Variants in NPIPB2 observed in about 807,000 individuals in gnomAD.
The protein encoded by NPIPB2 is nuclear pore complex-interacting protein family member B2.
In NPIPB2, 27 loss-of-function variants were observed where a neutral mutation model predicts 30.8. The ratio of observed to expected loss-of-function variants is 0.88; its 90% CI spans 0.65 to 1.21. NPIPB2 has a LOEUF of 1.21. Among genes scored for constraint, NPIPB2 ranks in the 50% most tolerant of loss-of-function variants. The pLI is 0.00. For missense variants in NPIPB2, 440 were observed against 446.2 expected (o/e 0.99, Z 0.13); for synonymous variants, 147 against 162.0 (o/e 0.91, Z 0.70).
At chr16:11,951,621 C>CACAG (rs1567473623) in intron 1 of NPIPB2, among the ~76,000 whole-genome samples, 3 of 114,934 alleles carry the variant, frequency 2.6e-5, no homozygotes, top group African/African-American at 1.3e-4. Flanking sequence ...ACTGCACATA[C>CACAG]ACATACACAC....
At position 11,935,704 on chromosome 16, in the gene NPIPB2, GA is replaced by G. The variant is rs2054856535; in HGVS notation, c.193-1781del. 9.4e-5 allele frequency among the ~76,000 whole-genome samples: 14 copies of G among 149,636 alleles called. No individual in the cohort carries two copies. In the South Asian group the frequency reaches 3.0e-3, roughly 32 times the overall value. On this transcript the variant is annotated intron_variant, in intron 2 of 7. Transcript: ENST00000399147. ...AAAAAATCATGTACTAGGATTTCGA[GA>G]GAAGCAATGGGTAATCTAAAAAGAT...
intron 1 of NPIPB2, among the ~76,000 whole-genome samples, chr16:11,952,175 C>CAACA (rs1555509443): frequency 7.8e-6 from 1 of 128,842 alleles, no homozygotes; most frequent in East Asian, 2.3e-4. Context: ...AAAAACAAAA[C>CAACA]AAAAAAAAAA....
rs117497304 is a variant in NPIPB2 at position 11,973,371 on chromosome 16, A to G, written c.-584+3197T>C. On this transcript the variant is annotated intron_variant, in intron 1 of 5. Transcript: ENST00000538896. ...TTTTTGGTTTATAGCCATGATTTCC[A>G]TAGCTGGGATTTGGTTCTTTCCACT... Among the ~76,000 whole-genome samples, 1,165 of 152,178 alleles carry G rather than the reference A, an allele frequency of 7.7e-3. 3 individuals carry two copies. Among genetic ancestry groups the G allele is most frequent in the African/African-American group, 9.5e-3 (396 of 41,532 alleles).
intron 1 of NPIPB2, among the ~76,000 whole-genome samples, chr16:11,964,309 T>C (rs936806893): frequency 4.6e-5 from 7 of 152,254 alleles, no homozygotes; most frequent in African/African-American, 1.4e-4. Flanking sequence ...ACCCCAAACC[T>C]ATCTTCCTCT....
intron 1 of NPIPB2, chr16:11,967,754 C>T: frequency 1.2e-6 from 2 of 1,614,214 alleles, no homozygotes; most frequent in Non-Finnish European, 1.7e-6. Flanking sequence ...AAGGCGCAAC[C>T]ATTCTTGTCA....
At chr16:11,975,142 T>TTA (rs1567482884) in intron 1 of NPIPB2, among the ~76,000 whole-genome samples, 1 of 2,932 alleles carries the variant, frequency 3.4e-4, no homozygotes, top group Non-Finnish European at 2.5e-3. Flanking sequence ...ATCCATCACC[T>TTA]TTTTTTTTTT....
intron 1 of NPIPB2, among the ~76,000 whole-genome samples, chr16:11,964,264 C>A (rs191263218): frequency 2.6e-5 from 4 of 152,160 alleles, no homozygotes. Context: ...AAATTTTCAA[C>A]AATGGAACAT....
chr16:11,948,177 C>T (rs548980295), intron 1 of NPIPB2, among the ~76,000 whole-genome samples: 1 of 151,678 alleles, frequency 6.6e-6, no homozygotes, highest in Non-Finnish European at 1.5e-5. Context: ...GTTTCCTGGG[C>T]CATGGGACTG....
intron 1 of NPIPB2, among the ~76,000 whole-genome samples, chr16:11,954,357 A>C (rs2150930538): frequency 6.6e-6 from 1 of 152,104 alleles, no homozygotes; most frequent in African/African-American, 2.4e-5. Context: ...GCAAGCCTAT[A>C]ATCCCAGCTA....
intron 1 of NPIPB2, among the ~76,000 whole-genome samples, chr16:11,955,353 C>CAAAAAA (rs34066078): frequency 2.1e-5 from 1 of 46,630 alleles, no homozygotes. Flanking sequence ...AACTCTGTGT[C>CAAAAAA]AAAAAAAAAA....
At chr16:11,955,572 C>G (rs2055103411) in intron 1 of NPIPB2, among the ~76,000 whole-genome samples, 1 of 151,362 alleles carries the variant, frequency 6.6e-6, no homozygotes, top group Non-Finnish European at 1.5e-5. Context: ...CTAAAAATAG[C>G]CAGGCATGGT....
rs1005329573 is a variant in NPIPB2 at position 11,965,212 on chromosome 16, T to A, written c.-584+11356A>T. 4.2e-6 allele frequency: 6 copies of A among 1,430,148 alleles called. No homozygotes were observed. In the African/African-American group the frequency reaches 5.7e-5, roughly 14 times the overall value. 88.6% of individuals were successfully genotyped at this position (1,430,148 alleles called of 1,614,324 possible). A position where few individuals can be genotyped will look rare whatever the true frequency, so the allele number is the denominator to read the frequency against. On this transcript the variant is annotated intron_variant, in intron 1 of 5. Transcript: ENST00000538896. ...AACCCACGAAGCAGGCGAAGTTCAT[T>A]GTTCTCAACATTCTAGCTGCTCTTG...
chr16:11,965,760 C>T (rs1056050911), intron 1 of NPIPB2, among the ~76,000 whole-genome samples: 5 of 152,234 alleles, frequency 3.3e-5, no homozygotes, highest in African/African-American at 9.6e-5. Flanking sequence ...ATAATCCATA[C>T]TTGATTATTT....
rs11570141 is a variant in NPIPB2 at position 11,965,508 on chromosome 16, T to C, written c.-584+11060A>G. 1.9e-4 allele frequency: 290 copies of C among 1,566,792 alleles called. 1 individual carries two copies. In the South Asian group the frequency reaches 3.2e-3, roughly 17 times the overall value. On this transcript the variant is annotated intron_variant, in intron 1 of 5. Coordinates refer to the NPIPB2 transcript ENST00000538896. ...ATTGGTGTGAACTATTCTGTCTATATGGACTGCTTATTCAGAGAATCAACA... is the reference window on the plus strand; with the variant it reads ...ATTGGTGTGAACTATTCTGTCTATACGGACTGCTTATTCAGAGAATCAACA...
chr16:11,947,768 T>A (rs2055026004), intron 1 of NPIPB2, among the ~76,000 whole-genome samples: 1 of 151,612 alleles, frequency 6.6e-6, no homozygotes, highest in Non-Finnish European at 1.5e-5. Context: ...AAATTACCCC[T>A]TGTGATTTAT....
intron 1 of NPIPB2, chr16:11,967,424 A>C: frequency 1.3e-6 from 1 of 789,940 alleles, no homozygotes; most frequent in Non-Finnish European, 2.0e-6. Context: ...GTTTGAATGC[A>C]GCCTGGGCAA....
Position 11,937,526 on chromosome 16 carries a change from G to A in NPIPB2, c.192+14C>T. On this transcript the variant is annotated intron_variant, in intron 2 of 7. Transcript: ENST00000399147. ...GATTACAAGTATACCTCTACAGAAA[G>A]TTAGTACACTCACCCAAAGGTAAAC... 1 of 1,474,662 alleles carries A rather than the reference G, an allele frequency of 6.8e-7. No homozygotes were observed. The highest frequency in any genetic ancestry group is 1.1e-5 in the South Asian group (1 of 87,840). The allele number at this position is 1,474,662 out of a possible 1,614,324, so 91.3% of individuals were successfully genotyped here.
intron 1 of NPIPB2, among the ~76,000 whole-genome samples, chr16:11,956,619 T>C (rs1212492816): frequency 6.6e-6 from 1 of 152,118 alleles, no homozygotes. Context: ...GAGGTTGCAG[T>C]GAGCTGAGAT....
At chr16:11,944,669 A>G (rs1208175105), upstream of NPIPB2, among the ~76,000 whole-genome samples, 1 of 130,964 alleles carries the variant, frequency 7.6e-6, no homozygotes, top group African/African-American at 2.8e-5. Flanking sequence ...AGGCTGAGGC[A>G]GGAGAATCGC....
Sources: gnomAD v4.1 joint callset for allele counts (sites outside exome capture counted in the v4.1 genomes callset) on GRCh38, gnomAD v4.1.1 for gene constraint, MANE v1.5 for transcripts, NCBI Gene and HGNC (gene_info 2026-07-23, HGNC 2026-07-21) for gene names.